Variants in SARAF observed in about 807,000 individuals in gnomAD.
The protein encoded by SARAF is store-operated calcium entry associated regulatory factor.
Under a neutral mutation model 39.7 loss-of-function variants are expected in SARAF, and 23 were observed. The ratio of observed to expected loss-of-function variants is 0.58; its 90% confidence interval spans 0.42 to 0.82. SARAF has a LOEUF of 0.82. Among genes scored for constraint, SARAF ranks in the 40% least tolerant of loss-of-function variants. The pLI is 0.00. For missense variants in SARAF, 384 were observed against 418.5 expected (o/e 0.92, Z 0.72); for synonymous variants, 175 against 168.5 (o/e 1.04, Z -0.30).
At chr8:30,078,320 C>A (rs1470294351) in intron 1 of SARAF, 1 of 427,864 alleles carries the variant, frequency 2.3e-6, no homozygotes, top group East Asian at 7.2e-5. Context: ...GAAAAGTTCC[C>A]ACACTGAAGG....
At chr8:30,075,727 C>T (rs900284735) in intron 1 of SARAF, among the ~76,000 whole-genome samples, 1 of 152,018 alleles carries the variant, frequency 6.6e-6, no homozygotes, top group African/African-American at 2.4e-5. Context: ...TGTGAGTACC[C>T]AATTCCCTAT....
intron 2 of SARAF, chr8:30,073,577 G>A: frequency 4.1e-6 from 1 of 241,766 alleles, no homozygotes; most frequent in Non-Finnish European, 8.0e-6. Context: ...ACAGGAAAAT[G>A]ACAACCATAA....
At chr8:30,065,930 C>T in intron 5 of SARAF, 58 bp downstream of exon 5, 1 of 1,601,984 alleles carries the variant, frequency 6.2e-7, no homozygotes, top group Non-Finnish European at 8.5e-7. Context: ...TCTAAAGTTC[C>T]CAAACTATTT....
chr8:30,064,563 T>TATATA (rs1801638585), intron 5 of SARAF, among the ~76,000 whole-genome samples: 2 of 82,230 alleles, frequency 2.4e-5, no homozygotes, highest in African/African-American at 1.1e-4. Flanking sequence ...ATATATATAT[T>TATATA]TTTTTTTTTT....
intron 4 of SARAF, among the ~76,000 whole-genome samples, chr8:30,066,503 G>C (rs1027679716): frequency 6.6e-6 from 1 of 151,910 alleles, no homozygotes; most frequent in Admixed American, 6.6e-5. Context: ...CTTCTTTCCT[G>C]CCTTCTTATT....
chr8:30,069,243 G>GCT lies in SARAF; in HGVS notation c.700+398_700+399insAG, dbSNP rs997242944. 6.8e-5 allele frequency among the ~76,000 whole-genome samples: 10 copies of GCT among 146,404 alleles called. No homozygotes were observed. In the Admixed American group the frequency reaches 7.1e-4, roughly 10 times the overall value. On this transcript the variant is annotated intron_variant, in intron 3 of 5. Coordinates refer to ENST00000256255, the MANE Select transcript of SARAF (RefSeq NM_016127.6). ...CAACCTCCACCTCCCGGGTTCAAGT[G>GCT]ATTCTCATGCCTCAGTCTCCCAAGC...
At chr8:30,082,064 G>A (rs571590027) in intron 1 of SARAF, among the ~76,000 whole-genome samples, 3 of 152,242 alleles carry the variant, frequency 2.0e-5, no homozygotes, top group African/African-American at 7.2e-5. Flanking sequence ...TCATAAAGAC[G>A]CGGTGGCTCA....
intron 5 of SARAF, 109 bp from the exon 6 acceptor site, chr8:30,064,022 G>A: frequency 1.0e-6 from 1 of 1,002,390 alleles, no homozygotes. Context: ...GAGATAGGAG[G>A]AAAGGAAAGA....
At chr8:30,082,435 G>A (rs1363399918) in intron 1 of SARAF, 1 of 163,304 alleles carries the variant, frequency 6.1e-6, no homozygotes, top group Non-Finnish European at 1.3e-5. Context: ...GCCAGTGGCA[G>A]GCAACGGCCG....
Position 30,073,966 on chromosome 8 carries a change from T to G in SARAF, c.193A>C (p.Lys65Gln). 1.2e-6 allele frequency: 2 copies of G among 1,614,198 alleles called. No individual in the cohort carries two copies. The highest frequency in any genetic ancestry group is 2.2e-5 in the South Asian group (2 of 91,088). ...SRRLDPIPQL[K>Q]CVGGTAGCDS... is the part of the protein sequence containing the mutation. The stretch of plus-strand genomic sequence containing the variant: ...CAACCAGCTGTGCCTCCAACACATT[T>G]CAACTGTGGGATGGGATCCAGCCTG... The change falls in exon 2 of 6, where the codon AAA becomes CAA. Residue 65 changes from lysine to glutamine, a missense_variant. By Grantham distance (53) the Lys-to-Gln change is moderately conservative. Coordinates refer to ENST00000256255, the MANE Select transcript of SARAF (RefSeq NM_016127.6).
At chr8:30,063,989 A>G in intron 5 of SARAF, 76 bp from the exon 6 acceptor site, 1 of 1,289,422 alleles carries the variant, frequency 7.8e-7, no homozygotes, top group Non-Finnish European at 1.1e-6. Flanking sequence ...CAAGTCATAC[A>G]TGTTTATTGT....
chr8:30,074,748 A>G (rs1054351535), intron 1 of SARAF, among the ~76,000 whole-genome samples: 12 of 152,232 alleles, frequency 7.9e-5, no homozygotes, highest in Middle Eastern at 3.2e-3. Flanking sequence ...TTTTAGCTCT[A>G]TTCCTAATGT....
chr8:30,082,776 G>A (rs895611420), intron 1 of SARAF, 71 bp downstream of exon 1: 2 of 1,262,370 alleles, frequency 1.6e-6, no homozygotes, highest in African/African-American at 1.6e-5. Context: ...CGGAAACGCA[G>A]GGGAGCCTGC....
intron 1 of SARAF, among the ~76,000 whole-genome samples, chr8:30,074,708 T>G (rs1186704990): frequency 6.6e-6 from 1 of 152,162 alleles, no homozygotes; most frequent in African/African-American, 2.4e-5. Flanking sequence ...CAAATAAGTA[T>G]CTAGTCTAGG....
In SARAF at chr8:30,063,595, G is replaced by T. The variant is rs1462994952; in HGVS notation, c.*293C>A. On this transcript the variant is annotated 3_prime_UTR_variant, in exon 6 of 6. Coordinates refer to ENST00000256255, the MANE Select transcript of SARAF (RefSeq NM_016127.6). ...ACCTTCATTCTTAATGCTTCTTAGG[G>T]CATCACAGGTTTTAGAAATTAATGT... 4.3e-5 allele frequency: 19 copies of T among 437,904 alleles called. No homozygotes were observed. The Middle Eastern group carries it at 1.9e-3, about 45-fold the overall frequency. 27.1% of individuals were successfully genotyped at this position (437,904 alleles called of 1,614,324 possible). A position where few individuals can be genotyped will look rare whatever the true frequency, so the allele number is the denominator to read the frequency against.
At position 30,066,056 on chromosome 8, in the gene SARAF, GGTGA is replaced by G. The variant is rs1310908101; in HGVS notation, c.922_925del (p.Ser308ProfsTer53). On this transcript the variant is annotated frameshift_variant, in exon 5 of 6. Transcript: ENST00000256255. LOFTEE classifies it high-confidence loss of function. ...ATAGCTGCCCGAGCCTCCATGAAGG[GGTGA>G]GTAAGCCCTATTCCACGTGCCAGGG... 1.2e-6 allele frequency: 2 copies of G among 1,613,964 alleles called. No homozygotes were observed. The highest frequency in any genetic ancestry group is 1.7e-6 in the Non-Finnish European group (2 of 1,180,020).
intron 4 of SARAF, 121 bp from the exon 5 acceptor site, chr8:30,066,260 T>A: frequency 1.9e-6 from 2 of 1,038,824 alleles, no homozygotes; most frequent in Non-Finnish European, 2.8e-6. Context: ...CTGAATGTTC[T>A]GGTATATCAG....
intron 5 of SARAF, among the ~76,000 whole-genome samples, chr8:30,064,933 C>T (rs1433899882): frequency 2.0e-5 from 3 of 152,086 alleles, no homozygotes; most frequent in East Asian, 3.9e-4. Flanking sequence ...CTATCTCATA[C>T]TCTAACACCA....
intron 3 of SARAF, among the ~76,000 whole-genome samples, chr8:30,067,820 A>C (rs1801726875): frequency 6.6e-6 from 1 of 152,190 alleles, no homozygotes; most frequent in African/African-American, 2.4e-5. Flanking sequence ...AACTGCTATG[A>C]ACATTCCTGT....
Sources: gnomAD v4.1 joint callset for allele counts (sites outside exome capture counted in the v4.1 genomes callset) on GRCh38, gnomAD v4.1.1 for gene constraint, MANE v1.5 for transcripts, NCBI Gene and HGNC (gene_info 2026-07-23, HGNC 2026-07-21) for gene names.